Variants in CPQ observed in about 807,000 individuals in gnomAD.
CPQ encodes Ser-Met dipeptidase.
A neutral mutation model predicts 45.7 loss-of-function variants in CPQ; 37 were observed. The ratio of observed to expected loss-of-function variants is 0.81; its 90% CI spans 0.62 to 1.07. CPQ has a LOEUF of 1.07. Ranked by LOEUF, CPQ falls within the 50% of genes least tolerant of loss-of-function variation. The pLI, the probability that CPQ is intolerant of heterozygous loss-of-function variation, is 0.00. For missense variants in CPQ, 537 were observed against 572.9 expected, an observed-to-expected ratio of 0.94 and a Z score of 0.64; for synonymous variants, 186 against 205.8, an observed-to-expected ratio of 0.90 and a Z score of 0.82.
intron 1 of CPQ, among the ~76,000 whole-genome samples, chr8:96,701,437 A>T (rs543820088): frequency 6.6e-6 from 1 of 152,314 alleles, no homozygotes; most frequent in East Asian, 1.9e-4. Context: ...AAGTAGTTAG[A>T]TGGGTGGGAT....
intron 1 of CPQ, among the ~76,000 whole-genome samples, chr8:96,783,435 C>T (rs2130807574): frequency 6.6e-6 from 1 of 152,084 alleles, no homozygotes; most frequent in Middle Eastern, 3.4e-3. Flanking sequence ...AGGCATCGCA[C>T]AGAAGAAGGG....
At chr8:96,886,084 C>T (rs1485040556) in intron 4 of CPQ, among the ~76,000 whole-genome samples, 6 of 152,052 alleles carry the variant, frequency 3.9e-5, no homozygotes, top group Non-Finnish European at 7.4e-5. Flanking sequence ...TCCAAAAAAC[C>T]GATGGTGGCA....
rs547933441 is a variant in CPQ, at chr8:96,782,381, T to C, written c.-34-2483T>C. Reference sequence around the variant, plus strand: ...CTGCTCAAGCTATGGCTGGAGCAGCTTAAGGGCACTGCACCAGAATGTGGG... The same window carrying C: ...CTGCTCAAGCTATGGCTGGAGCAGCCTAAGGGCACTGCACCAGAATGTGGG... On this transcript the variant is annotated intron_variant, in intron 1 of 7. Coordinates refer to ENST00000220763, the MANE Select transcript of CPQ (RefSeq NM_016134.4). Among the ~76,000 whole-genome samples the C allele has an allele frequency of 1.3e-4, 20 of 152,262 alleles. 1 individual carries two copies. The South Asian group carries it at 3.9e-3, about 30-fold the overall frequency.
intron 5 of CPQ, among the ~76,000 whole-genome samples, chr8:96,975,417 T>C (rs113606203): frequency 3.3e-3 from 506 of 152,142 alleles, no homozygotes; most frequent in African/African-American, 0.012. Flanking sequence ...AAAAAAGAAC[T>C]GGTACCAATT....
At chr8:96,795,951 G>T (rs1810921966) in intron 2 of CPQ, among the ~76,000 whole-genome samples, 1 of 151,892 alleles carries the variant, frequency 6.6e-6, no homozygotes, top group African/African-American at 2.4e-5. Flanking sequence ...GGTTTTAGTT[G>T]TTTAAAAATG....
chr8:97,087,185 T>G (rs1044861683), intron 7 of CPQ, among the ~76,000 whole-genome samples: 2 of 152,200 alleles, frequency 1.3e-5, no homozygotes, highest in Non-Finnish European at 1.5e-5. Flanking sequence ...TAACAACCAC[T>G]TCATAAATAT....
intron 1 of CPQ, among the ~76,000 whole-genome samples, chr8:96,780,245 C>G (rs1035352416): frequency 8.5e-5 from 13 of 152,056 alleles, no homozygotes; most frequent in Non-Finnish European, 1.3e-4. Context: ...GAAGATGGTG[C>G]AAATAACTCT....
intron 7 of CPQ, among the ~76,000 whole-genome samples, chr8:97,080,913 T>TTTCCTTCCTTCCTTCC (rs376433211): frequency 1.3e-5 from 2 of 151,770 alleles, no homozygotes; most frequent in African/African-American, 4.8e-5. Context: ...CCCACCCTTC[T>TTTCCTTCCTTCCTTCC]TTCCTTCCTT....
At chr8:96,799,156 C>T (rs1810972647) in intron 2 of CPQ, among the ~76,000 whole-genome samples, 1 of 152,196 alleles carries the variant, frequency 6.6e-6, no homozygotes, top group Non-Finnish European at 1.5e-5. Flanking sequence ...AAACATCAAT[C>T]AAATGGTGAT....
intron 5 of CPQ, among the ~76,000 whole-genome samples, chr8:96,982,116 G>A (rs1241583424): frequency 6.6e-6 from 1 of 152,212 alleles, no homozygotes; most frequent in Non-Finnish European, 1.5e-5. Context: ...TTGAAACAGA[G>A]CACTTTGGTG....
intron 6 of CPQ, among the ~76,000 whole-genome samples, chr8:97,037,649 T>G (rs779376490): frequency 2.0e-5 from 3 of 152,226 alleles, no homozygotes; most frequent in Non-Finnish European, 2.9e-5. Flanking sequence ...TGATTTATAC[T>G]GCACACCTGG....
intron 7 of CPQ, among the ~76,000 whole-genome samples, chr8:97,086,222 A>T (rs548174848): frequency 6.6e-6 from 1 of 152,284 alleles, no homozygotes; most frequent in African/African-American, 2.4e-5. Flanking sequence ...CTGTAATAAA[A>T]TTTTTGCTGC....
At chr8:96,674,661 A>G (rs570669195) in intron 1 of CPQ, among the ~76,000 whole-genome samples, 31 of 152,258 alleles carry the variant, frequency 2.0e-4, no homozygotes, top group African/African-American at 7.5e-4. Flanking sequence ...AATGTGAACA[A>G]AATGTTTCTT....
At chr8:97,024,763 G>A (rs959299406) in intron 5 of CPQ, among the ~76,000 whole-genome samples, 10 of 151,966 alleles carry the variant, frequency 6.6e-5, no homozygotes, top group Admixed American at 2.0e-4. Flanking sequence ...TTTATGTCTC[G>A]GATACTGTAC....
At chr8:96,797,695 T>C (rs1167873521) in intron 2 of CPQ, among the ~76,000 whole-genome samples, 2 of 152,068 alleles carry the variant, frequency 1.3e-5, no homozygotes, top group Non-Finnish European at 2.9e-5. Flanking sequence ...GGCAGATGGA[T>C]CACCTGAGGT....
intron 6 of CPQ, among the ~76,000 whole-genome samples, chr8:97,061,146 C>A (rs995664028): frequency 6.7e-6 from 1 of 149,654 alleles, no homozygotes; most frequent in Admixed American, 6.6e-5. Context: ...TATACCTATG[C>A]CAGAATTCTG....
chr8:96,832,877 C>A (rs1811478222), intron 2 of CPQ, among the ~76,000 whole-genome samples: 1 of 152,020 alleles, frequency 6.6e-6, no homozygotes, highest in Non-Finnish European at 1.5e-5. Context: ...TCTGACTCTT[C>A]AGTAGTTTGA....
Position 97,066,122 on chromosome 8 carries a change from G to A in CPQ, c.1167G>A (p.Met389Ile), listed in dbSNP as rs780586246. The change falls in exon 7 of 8, where the codon ATG (methionine) becomes ATA (isoleucine). Residue 389 changes from methionine to isoleucine, a missense_variant. By Grantham distance (10) the Met-to-Ile change is conservative (BLOSUM62 1). Coordinates refer to ENST00000220763, the MANE Select transcript of CPQ (RefSeq NM_016134.4). The part of the protein sequence containing the change: ...EKARAIMEEV[M>I]SLLQPLNITQ... ...CCAGGGCCATCATGGAGGAGGTTAT[G>A]AGCCTGCTGCAGCCCCTCAATATCA... is the stretch of plus-strand genomic sequence containing the variant. 3 of 1,612,292 alleles carry A rather than the reference G, an allele frequency of 1.9e-6. No individual in the cohort carries two copies. The highest frequency in any genetic ancestry group is 2.2e-5 in the East Asian group (1 of 44,838).
At chr8:96,711,151 T>A (rs919775959) in intron 1 of CPQ, among the ~76,000 whole-genome samples, 3 of 152,162 alleles carry the variant, frequency 2.0e-5, no homozygotes, top group African/African-American at 7.2e-5. Flanking sequence ...TACTCCTGCT[T>A]GCATTTAGCT....
Sources: allele counts gnomAD v4.1 joint callset (sites outside exome capture counted in the v4.1 genomes callset), GRCh38; gene constraint gnomAD v4.1.1; transcripts MANE v1.5; gene names NCBI Gene and HGNC (gene_info 2026-07-23, HGNC 2026-07-21).